The following RTN4 variants were observed in gnomAD, a reference collection of about 807,000 sequenced individuals.
The protein encoded by RTN4 is reticulon-4.
Under a neutral mutation model 90.4 loss-of-function variants are expected in RTN4, and 32 were observed. The observed-to-expected ratio is 0.35, with a 90% CI of 0.27 to 0.48. The LOEUF (loss-of-function observed/expected upper bound fraction) is 0.48. Ranked by LOEUF, RTN4 falls within the 20% of genes least tolerant of loss-of-function variation. The pLI is 0.99. For missense variants in RTN4, 1,706 were observed against 1,430.2 expected, an observed-to-expected ratio of 1.19 and a Z score of -3.11; for synonymous variants, 629 against 552.5, an observed-to-expected ratio of 1.14 and a Z score of -1.94.
At chr2:55,127,577 T>C in the RTN4 span, among the ~76,000 whole-genome samples, 5 of 152,318 alleles carry the variant, frequency 3.3e-5, no homozygotes, top group African/African-American at 9.6e-5. Context: ...CAACCGACTT[T>C]CCCATTCATC....
At chr2:55,021,805 T>C (rs960323553) in intron 3 of RTN4, among the ~76,000 whole-genome samples, 17 of 152,228 alleles carry the variant, frequency 1.1e-4, no homozygotes, top group Admixed American at 6.5e-5. Flanking sequence ...ATTGTTTTCA[T>C]TATAGCAATA....
At chr2:55,135,290 C>T in the RTN4 span, among the ~76,000 whole-genome samples, 1 of 149,478 alleles carries the variant, frequency 6.7e-6, no homozygotes, top group East Asian at 2.0e-4. Context: ...TCACGGCAAC[C>T]TCCGCCTCCC....
intron 1 of RTN4, among the ~76,000 whole-genome samples, chr2:55,029,484 T>G (rs566465830): frequency 9.9e-5 from 15 of 152,084 alleles, no homozygotes; most frequent in Non-Finnish European, 1.6e-4. Context: ...GACTGGAAGG[T>G]GATATTCCTT....
exon 2 of RTN4, chr2:55,080,498 G>C (rs1668691039): frequency 6.6e-6 from 1 of 152,092 alleles, no homozygotes; most frequent in Admixed American, 6.5e-5. Context: ...CCTTGATTCT[G>C]TTGTCATATT....
chr2:55,006,916 GTTCT>G (rs1680270064), intron 3 of RTN4, among the ~76,000 whole-genome samples: 1 of 151,970 alleles, frequency 6.6e-6, no homozygotes, highest in East Asian at 1.9e-4. Flanking sequence ...TTTCTTAATA[GTTCT>G]TTCAGTGCAA....
chr2:55,128,187 C>T, the RTN4 span, among the ~76,000 whole-genome samples: 1 of 152,130 alleles, frequency 6.6e-6, no homozygotes, highest in Admixed American at 6.6e-5. Context: ...CCTTTGAGGA[C>T]AGAGCATGTC....
At chr2:55,078,536 C>A (rs1310640485) in intron 2 of RTN4, among the ~76,000 whole-genome samples, 2 of 152,186 alleles carry the variant, frequency 1.3e-5, no homozygotes, top group African/African-American at 4.8e-5. Flanking sequence ...TACTTTTTTA[C>A]CTCATAGGAG....
intron 3 of RTN4, among the ~76,000 whole-genome samples, chr2:55,018,157 C>G (rs1460742135): frequency 2.0e-5 from 3 of 152,138 alleles, no homozygotes; most frequent in Non-Finnish European, 4.4e-5. Flanking sequence ...TAAAATGGTT[C>G]CTTCTTTCAG....
intron 3 of RTN4, chr2:55,010,578 T>C (rs1419959543): frequency 6.5e-6 from 1 of 154,854 alleles, no homozygotes; most frequent in African/African-American, 2.4e-5. Flanking sequence ...TTCAGTTTCA[T>C]TTAAAACTCT....
chr2:54,991,503 C>T (rs2104696429), intron 3 of RTN4, among the ~76,000 whole-genome samples: 1 of 152,312 alleles, frequency 6.6e-6, no homozygotes, highest in East Asian at 1.9e-4. Context: ...ACGACTCCAA[C>T]CTCTCTGGCC....
At chr2:54,975,434 A>G (rs1424938790) in intron 5 of RTN4, among the ~76,000 whole-genome samples, 2 of 152,196 alleles carry the variant, frequency 1.3e-5, no homozygotes, top group Non-Finnish European at 2.9e-5. Context: ...GGCTTATGTA[A>G]CACTATAAAT....
intron 1 of RTN4, among the ~76,000 whole-genome samples, chr2:55,091,896 G>A (rs560402943): frequency 5.3e-5 from 8 of 152,178 alleles, no homozygotes; most frequent in Admixed American, 2.0e-4. Flanking sequence ...ATCAGCTCTC[G>A]TGAGACTTAC....
At chr2:55,074,821 C>G (rs1002684709) in intron 2 of RTN4, among the ~76,000 whole-genome samples, 66 of 152,234 alleles carry the variant, frequency 4.3e-4, no homozygotes, top group Admixed American at 1.2e-3. Context: ...GACTTAAAAA[C>G]AAAAATCACA....
At chr2:55,065,200 T>A (rs1668368984) in intron 2 of RTN4, among the ~76,000 whole-genome samples, 1 of 152,226 alleles carries the variant, frequency 6.6e-6, no homozygotes, top group Non-Finnish European at 1.5e-5. Context: ...AATATCCAGC[T>A]TACATAAATA....
intron 3 of RTN4, among the ~76,000 whole-genome samples, chr2:55,004,191 C>T (rs1203637496): frequency 1.3e-5 from 2 of 152,154 alleles, no homozygotes; most frequent in African/African-American, 4.8e-5. Context: ...AGACAACTGC[C>T]TGCCTTTTTT....
At position 54,982,644 on chromosome 2, in the gene RTN4, C is replaced by T; in HGVS notation, c.3231G>A (p.Leu1077=). 1.9e-6 allele frequency: 3 copies of T among 1,605,072 alleles called. No individual in the cohort carries two copies. Among genetic ancestry groups the T allele is most frequent in the Non-Finnish European group, 1.7e-6 (2 of 1,176,688 alleles). ...SDEGHPFRAY[L]ESEVAISEEL... is the part of the protein sequence containing the mutation. ...CCTCAGATATAGCAACTTCAGATTCCAGATATGCCCTAGAAAACAAAACAC... is the reference window on the plus strand; with the variant it reads ...CCTCAGATATAGCAACTTCAGATTCTAGATATGCCCTAGAAAACAAAACAC... The change falls in exon 5 of 9, where the codon CTG becomes CTA. Residue 1077 remains leucine (L), a synonymous_variant. Coordinates refer to ENST00000337526, the MANE Select transcript of RTN4 (RefSeq NM_020532.5).
At position 55,044,773 on chromosome 2, in the gene RTN4, T is replaced by A. The variant is rs554950975; in HGVS notation, c.556+4972A>T. Among the ~76,000 whole-genome samples the A allele has an allele frequency of 7.4e-4, 94 of 126,574 alleles. No individual in the cohort carries two copies. In the Middle Eastern group the frequency reaches 0.018, roughly 24 times the overall value. 83.0% of individuals were successfully genotyped at this position (126,574 alleles called of 152,430 possible). A position where few individuals can be genotyped will look rare whatever the true frequency, so the allele number is the denominator to read the frequency against. On this transcript the variant is annotated intron_variant, in intron 1 of 8. Coordinates refer to ENST00000337526, the MANE Select transcript of RTN4 (RefSeq NM_020532.5). Reference sequence around the variant, plus strand: ...TCATTTTAAAAAGGATTTGAGAGAGTTTGCAAATCACTAAAAAAAAAAAAA... The same window carrying A: ...TCATTTTAAAAAGGATTTGAGAGAGATTGCAAATCACTAAAAAAAAAAAAA...
intron 2 of RTN4, among the ~76,000 whole-genome samples, chr2:55,027,916 T>A (rs1234229604): frequency 1.3e-5 from 2 of 152,164 alleles, no homozygotes; most frequent in Non-Finnish European, 2.9e-5. Flanking sequence ...AGAAAGGGAA[T>A]GGTAAATATG....
chr2:55,129,930 G>A, the RTN4 span, among the ~76,000 whole-genome samples: 1 of 152,222 alleles, frequency 6.6e-6, no homozygotes, highest in Non-Finnish European at 1.5e-5. Flanking sequence ...AGCACTGGAA[G>A]TTAGGAGGAC....
Sources: gnomAD v4.1 joint callset for allele counts (sites outside exome capture counted in the v4.1 genomes callset) on GRCh38, gnomAD v4.1.1 for gene constraint, MANE v1.5 for transcripts, NCBI Gene and HGNC (gene_info 2026-07-23, HGNC 2026-07-21) for gene names.